Variants in PTPRD observed in about 807,000 individuals in gnomAD.
PTPRD encodes the protein receptor-type tyrosine-protein phosphatase delta.
Under a neutral mutation model 214.5 loss-of-function variants are expected in PTPRD, and 34 were observed. The ratio of observed to expected loss-of-function variants is 0.16; its 90% confidence interval spans 0.12 to 0.21. The LOEUF (loss-of-function observed/expected upper bound fraction) is 0.21. Ranked by LOEUF, PTPRD falls within the 10% of genes least tolerant of loss-of-function variation. The probability of loss-of-function intolerance (pLI) is 1.00; values close to 1 mark genes in which losing one functional copy is unlikely to be tolerated. For synonymous variants in PTPRD, 1,128 were observed against 845.7 expected (o/e 1.33, Z -5.79); for missense variants, 2,545 against 2,398.7 (o/e 1.06, Z -1.27).
chr9:10,138,951 G>T (rs1208012260), intron 3 of PTPRD, among the ~76,000 whole-genome samples: 1 of 151,796 alleles, frequency 6.6e-6, no homozygotes. Context: ...ACACCAAATG[G>T]GCAAAACTGC....
At chr9:8,947,413 A>G (rs1443850473) in intron 11 of PTPRD, among the ~76,000 whole-genome samples, 1 of 148,854 alleles carries the variant, frequency 6.7e-6, no homozygotes. Flanking sequence ...CTGTGAGCTG[A>G]GATCATGCCA....
intron 5 of PTPRD, among the ~76,000 whole-genome samples, chr9:9,792,594 A>G (rs1005185334): frequency 6.6e-6 from 1 of 152,176 alleles, no homozygotes; most frequent in African/African-American, 2.4e-5. Flanking sequence ...TGATTTTAAA[A>G]TGTAAGATAT....
chr9:9,131,543 A>G (rs1198908048), intron 10 of PTPRD, among the ~76,000 whole-genome samples: 2 of 152,222 alleles, frequency 1.3e-5, no homozygotes, highest in African/African-American at 4.8e-5. Context: ...GCCATAATAT[A>G]TTCTATTTGT....
At chr9:10,391,675 G>A (rs2098068456) in intron 2 of PTPRD, among the ~76,000 whole-genome samples, 2 of 151,808 alleles carry the variant, frequency 1.3e-5, no homozygotes, top group South Asian at 4.2e-4. Flanking sequence ...TTGGACCTCT[G>A]CTTCTAGTGG....
intron 9 of PTPRD, among the ~76,000 whole-genome samples, chr9:9,326,785 G>A (rs2040127219): frequency 2.0e-5 from 3 of 151,984 alleles, no homozygotes; most frequent in African/African-American, 7.2e-5. Flanking sequence ...GAAAAAAAAG[G>A]TATTTTTTCA....
intron 39 of PTPRD, among the ~76,000 whole-genome samples, chr9:8,374,132 G>A (rs1307984683): frequency 6.7e-6 from 1 of 150,140 alleles, no homozygotes; most frequent in African/African-American, 2.4e-5. Context: ...GTGTGTGTGT[G>A]TGTGTGTGTG....
At chr9:9,630,166 T>C (rs2154358899) in intron 7 of PTPRD, among the ~76,000 whole-genome samples, 1 of 152,342 alleles carries the variant, frequency 6.6e-6, no homozygotes, top group Non-Finnish European at 1.5e-5. Context: ...CCAGGTCTTT[T>C]ACAGGACTTA....
chr9:9,543,266 A>T (rs931316863), intron 8 of PTPRD, among the ~76,000 whole-genome samples: 2 of 151,674 alleles, frequency 1.3e-5, no homozygotes, highest in Admixed American at 1.3e-4. Flanking sequence ...AATTATGGGG[A>T]TGCTATTCAG....
intron 5 of PTPRD, among the ~76,000 whole-genome samples, chr9:9,768,717 G>A (rs1205765805): frequency 6.6e-6 from 1 of 152,110 alleles, no homozygotes; most frequent in Non-Finnish European, 1.5e-5. Context: ...GTTTTCCACA[G>A]GTCACATAAG....
At chr9:9,331,722 C>A (rs2042380999) in intron 9 of PTPRD, among the ~76,000 whole-genome samples, 1 of 151,966 alleles carries the variant, frequency 6.6e-6, no homozygotes, top group African/African-American at 2.4e-5. Context: ...TTCCTGCCTC[C>A]CACCTCTTTC....
intron 7 of PTPRD, among the ~76,000 whole-genome samples, chr9:9,658,826 C>G (rs1249688429): frequency 2.6e-5 from 4 of 152,088 alleles, no homozygotes; most frequent in Admixed American, 1.3e-4. Context: ...TTAATTGTCA[C>G]AACAATTCTT....
At chr9:10,516,355 G>A (rs1219319705) in intron 2 of PTPRD, among the ~76,000 whole-genome samples, 3 of 151,714 alleles carry the variant, frequency 2.0e-5, no homozygotes, top group Non-Finnish European at 3.0e-5. Context: ...ATATCTGTTA[G>A]CCATTTTTAT....
chr9:9,574,302 C>T (rs950142214), intron 8 of PTPRD, among the ~76,000 whole-genome samples: 1 of 151,934 alleles, frequency 6.6e-6, no homozygotes, highest in Non-Finnish European at 1.5e-5. Flanking sequence ...ACTTTACTCT[C>T]AACTTCCTGG....
intron 14 of PTPRD, among the ~76,000 whole-genome samples, chr9:8,598,735 A>T (rs1354454133): frequency 6.6e-6 from 1 of 152,152 alleles, no homozygotes; most frequent in Non-Finnish European, 1.5e-5. Context: ...CTTTCATTGG[A>T]AGAGCCATTT....
intron 7 of PTPRD, among the ~76,000 whole-genome samples, chr9:9,596,579 C>T (rs190056338): frequency 1.2e-3 from 179 of 151,990 alleles, no homozygotes; most frequent in Non-Finnish European, 8.2e-4. Flanking sequence ...GCAAAATCTA[C>T]AAGAAATGAT....
chr9:9,259,905 G>C (rs752990091), intron 9 of PTPRD, among the ~76,000 whole-genome samples: 3 of 151,852 alleles, frequency 2.0e-5, no homozygotes. Context: ...GTGATGCGAG[G>C]AGGGTTTAAG....
rs544140395 is a variant in PTPRD, at chr9:10,317,516, A to G, written c.-545+23447T>C. 2.2e-4 allele frequency among the ~76,000 whole-genome samples: 34 copies of G among 152,108 alleles called. No individual in the cohort carries two copies. In the South Asian group the frequency reaches 3.7e-3, roughly 17 times the overall value. On this transcript the variant is annotated intron_variant, in intron 3 of 45. Coordinates refer to ENST00000381196, the MANE Select transcript of PTPRD (RefSeq NM_002839.4). ...AGTCAGAAGAAGAGAGTATAAAGTA[A>G]TAAGATAACACAGCAAGTTTAAAAG...
intron 8 of PTPRD, among the ~76,000 whole-genome samples, chr9:9,401,906 G>A (rs111627793): frequency 2.0e-5 from 3 of 151,934 alleles, no homozygotes; most frequent in Admixed American, 6.6e-5. Flanking sequence ...CGCCATTATT[G>A]TAAGTTTCCT....
At chr9:8,531,941 GA>G (rs2075799657) in intron 14 of PTPRD, among the ~76,000 whole-genome samples, 1 of 152,012 alleles carries the variant, frequency 6.6e-6, no homozygotes, top group Non-Finnish European at 1.5e-5. Context: ...ACATTTTCAT[GA>G]CCTTTCTCTT....
Sources: gnomAD v4.1 joint callset for allele counts (sites outside exome capture counted in the v4.1 genomes callset) on GRCh38, gnomAD v4.1.1 for gene constraint, MANE v1.5 for transcripts, NCBI Gene and HGNC (gene_info 2026-07-23, HGNC 2026-07-21) for gene names.